Variants in PANK4 observed in about 807,000 individuals in gnomAD.
The protein encoded by PANK4 is pantothenate kinase 4 (inactive).
A neutral mutation model predicts 87.9 loss-of-function variants in PANK4; 40 were observed. The ratio of observed to expected loss-of-function variants is 0.46; its 90% CI spans 0.35 to 0.59. The LOEUF is 0.59. PANK4 is among the 20% of genes least tolerant of loss of function. The probability of loss-of-function intolerance (pLI) is 0.00; values close to 1 mark genes in which losing one functional copy is unlikely to be tolerated. For synonymous variants in PANK4, 524 were observed against 467.4 expected, an observed-to-expected ratio of 1.12 and a Z score of -1.56; for missense variants, 926 against 1,072.3, an observed-to-expected ratio of 0.86 and a Z score of 1.90.
rs1643874586 is a variant in PANK4, at chr1:2,521,441, A to T, written c.208-126T>A. On this transcript the variant is annotated intron_variant, in intron 2 of 18. Coordinates refer to ENST00000378466, the MANE Select transcript of PANK4 (RefSeq NM_018216.4). ...TCAACCAGGCGGCGCTCTGAGGCAG[A>T]ATCCTGGGCAAGAGGGAGGAGCCTA... 7 of 833,842 alleles carry T rather than the reference A, an allele frequency of 8.4e-6. No homozygotes were observed. In the Admixed American group the frequency reaches 1.3e-4, roughly 15 times the overall value. 51.7% of individuals were successfully genotyped at this position (833,842 alleles called of 1,614,324 possible). A position where few individuals can be genotyped will look rare whatever the true frequency, so the allele number is the denominator to read the frequency against.
chr1:2,518,025 G>A (rs1643813631), intron 9 of PANK4, 139 bp downstream of exon 9: 6 of 556,100 alleles, frequency 1.1e-5, no homozygotes, highest in Non-Finnish European at 1.9e-5. Flanking sequence ...TTATACCCCA[G>A]GTCCATGGGA....
At chr1:2,524,438 T>C (rs1643903011) in intron 1 of PANK4, among the ~76,000 whole-genome samples, 1 of 152,188 alleles carries the variant, frequency 6.6e-6, no homozygotes, top group South Asian at 2.1e-4. Context: ...AAAAGGTCTC[T>C]CAGTATCAGT....
intron 1 of PANK4, among the ~76,000 whole-genome samples, chr1:2,522,847 C>T: frequency 6.6e-6 from 1 of 150,940 alleles, no homozygotes; most frequent in African/African-American, 2.4e-5. Context: ...ACGGAGGGGA[C>T]CGTGTGGTGC....
At position 2,520,206 on chromosome 1, in the gene PANK4, G is replaced by C; in HGVS notation, c.699+116C>G. ...CCGCAGAGGCCAGAGACCCACTGAC[G>C]CGAGTCAGGAGGGAGGCCCGGAAGC... On this transcript the variant is annotated intron_variant, in intron 5 of 18. Transcript: ENST00000378466. This position sits in a 1 kb window ranked among gnomAD's most constrained non-coding sequence, Gnocchi z 6.2. 1.0e-6 allele frequency: 1 copy of C among 974,018 alleles called. No homozygotes were observed. The highest frequency in any genetic ancestry group is 1.6e-6 in the Non-Finnish European group (1 of 623,316). 60.3% of individuals were successfully genotyped at this position (974,018 alleles called of 1,614,324 possible). A position where few individuals can be genotyped will look rare whatever the true frequency, so the allele number is the denominator to read the frequency against.
chr1:2,510,891 T>G lies in PANK4; in HGVS notation c.1834-109A>C. 1.4e-6 allele frequency: 1 copy of G among 705,188 alleles called. No homozygotes were observed. Among genetic ancestry groups the G allele is most frequent in the Non-Finnish European group, 2.5e-6 (1 of 394,800 alleles). 43.7% of individuals were successfully genotyped at this position (705,188 alleles called of 1,614,324 possible). ...CCTGCAGGGGCCGAGACTGGGGGCT[T>G]CAGGGCCCCAGAGATGCCAGGGATG... On this transcript the variant is annotated intron_variant, in intron 15 of 18. Transcript: ENST00000378466. This position sits in a 1 kb window ranked among gnomAD's most constrained non-coding sequence, Gnocchi z 4.9.
chr1:2,516,367 C>T (rs912832804), intron 9 of PANK4, among the ~76,000 whole-genome samples: 5 of 152,340 alleles, frequency 3.3e-5, no homozygotes, highest in Admixed American at 2.6e-4. Flanking sequence ...CACCTGCACC[C>T]AGCACAGGCG....
chr1:2,508,771 G>T lies in PANK4; in HGVS notation c.*76C>A. ...CAGTACCATATAAATACGTTGATTT[G>T]AACGCAGTTTCCCTGTGGTGGTAAA... On this transcript the variant is annotated 3_prime_UTR_variant, in exon 19 of 19. Coordinates refer to ENST00000378466, the MANE Select transcript of PANK4 (RefSeq NM_018216.4). The surrounding 1 kb of genome is among the most constrained non-coding windows in gnomAD (Gnocchi z 5.1). 1 of 875,830 alleles carries T rather than the reference G, an allele frequency of 1.1e-6. No individual in the cohort carries two copies. The highest frequency in any genetic ancestry group is 1.9e-6 in the Non-Finnish European group (1 of 540,136). The allele number at this position is 875,830 out of a possible 1,614,324, so 54.3% of individuals were successfully genotyped here.
At chr1:2,513,959 C>T (rs777093484) in intron 12 of PANK4, 43 bp downstream of exon 12, 15 of 1,398,436 alleles carry the variant, frequency 1.1e-5, no homozygotes, top group East Asian at 4.6e-5. Flanking sequence ...GCCAGCGGGA[C>T]GGGGACAAGA....
At chr1:2,513,752 C>T (rs1255169296) in intron 12 of PANK4, among the ~76,000 whole-genome samples, 1 of 152,224 alleles carries the variant, frequency 6.6e-6, no homozygotes, top group Non-Finnish European at 1.5e-5. Context: ...TCACACCCTT[C>T]TTCTCTAGTC....
chr1:2,514,550 A>AGGGT (rs1643726913), intron 10 of PANK4, 84 bp from the exon 11 acceptor site: 1 of 116,400 alleles, frequency 8.6e-6, no homozygotes, highest in Admixed American at 9.3e-5. Context: ...GGCTCGGGGA[A>AGGGT]GGGTGGGGGT....
At chr1:2,524,061 A>C (rs3122923) in intron 1 of PANK4, among the ~76,000 whole-genome samples, 62,297 of 152,126 alleles carry the variant, frequency 0.41, 15,134 homozygotes, top group African/African-American at 0.67. Flanking sequence ...CAGGACAGCC[A>C]AGCAGACACC....
chr1:2,514,139 G>A (rs145299831), intron 11 of PANK4, 50 bp from the exon 12 acceptor site: 42 of 1,451,916 alleles, frequency 2.9e-5, no homozygotes, highest in Non-Finnish European at 3.5e-5. Flanking sequence ...CCGAACACCC[G>A]CCCGTCTGCC....
chr1:2,516,117 G>A lies in PANK4; in HGVS notation c.1219-400C>T, dbSNP rs973782166. Among the ~76,000 whole-genome samples the A allele has an allele frequency of 4.6e-5, 7 of 151,792 alleles. No homozygotes were observed. The South Asian group carries it at 6.3e-4, about 14-fold the overall frequency. On this transcript the variant is annotated intron_variant, in intron 9 of 18. Transcript: ENST00000378466. Reference sequence around the variant, plus strand: ...CACCCCTACAGTTTCACCTCCTCCCGTGACCCCTGCAGTCACACTGTTCCC... The same window carrying A: ...CACCCCTACAGTTTCACCTCCTCCCATGACCCCTGCAGTCACACTGTTCCC...
intron 13 of PANK4, chr1:2,512,515 G>A (rs906018574): frequency 4.5e-6 from 1 of 220,928 alleles, no homozygotes; most frequent in Non-Finnish European, 9.0e-6. Context: ...CTAGGGGACT[G>A]CTTTGCAAAG....
In PANK4 at chr1:2,509,176, G is replaced by C. The variant is rs1643618107; in HGVS notation, c.2109-116C>G. The C allele has an allele frequency of 2.5e-6, 2 of 809,426 alleles. No individual in the cohort carries two copies. Among genetic ancestry groups the C allele is most frequent in the Non-Finnish European group, 3.9e-6 (2 of 517,474 alleles). 50.1% of individuals were successfully genotyped at this position (809,426 alleles called of 1,614,324 possible). A position where few individuals can be genotyped will look rare whatever the true frequency, so the allele number is the denominator to read the frequency against. The stretch of plus-strand genomic sequence containing the variant: ...CCCTACCGCTCAATTCCCTGATGTG[G>C]AGGCCTCCAAACCCAGCCTCCGCCT... On this transcript the variant is annotated intron_variant, in intron 18 of 18. Transcript: ENST00000378466. This position sits in a 1 kb window ranked among gnomAD's most constrained non-coding sequence, Gnocchi z 4.9.
intron 1 of PANK4, chr1:2,525,922 G>C (rs530056053): frequency 6.6e-6 from 1 of 152,250 alleles, no homozygotes; most frequent in African/African-American, 2.4e-5. Context: ...AGCGGGGCCT[G>C]TGCACGGACT....
chr1:2,512,838 G>A, intron 13 of PANK4, 50 bp downstream of exon 13: 1 of 1,592,180 alleles, frequency 6.3e-7, no homozygotes, highest in Non-Finnish European at 8.6e-7. Flanking sequence ...CCTGGGGCAG[G>A]ACAGGCACCC....
Position 2,510,629 on chromosome 1 carries a change from G to A in PANK4, c.1938+49C>T. On this transcript the variant is annotated intron_variant, in intron 16 of 18. Transcript: ENST00000378466. This position sits in a 1 kb window ranked among gnomAD's most constrained non-coding sequence, Gnocchi z 4.9. ...CCCACAGCGGCGCCAACCCCACCGA[G>A]AGCAGAGAAGCCCAGGGGAAGGGCC... is the stretch of plus-strand genomic sequence containing the variant. 3.5e-6 allele frequency: 4 copies of A among 1,139,888 alleles called. No individual in the cohort carries two copies. In the South Asian group the frequency reaches 3.7e-5, roughly 11 times the overall value. 70.6% of individuals were successfully genotyped at this position (1,139,888 alleles called of 1,614,324 possible).
chr1:2,524,489 G>A (rs907941645), intron 1 of PANK4, among the ~76,000 whole-genome samples: 3 of 152,204 alleles, frequency 2.0e-5, no homozygotes, highest in East Asian at 1.9e-4. Context: ...GGACCCAGAC[G>A]CAGGGAGAAA....
Sources: gnomAD v4.1 joint callset for allele counts (sites outside exome capture counted in the v4.1 genomes callset) on GRCh38, gnomAD v4.1.1 for gene constraint, Gnocchi (gnomAD v3.1) non-coding constraint, MANE v1.5 for transcripts, NCBI Gene and HGNC (gene_info 2026-07-23, HGNC 2026-07-21) for gene names.